The following PCDHA4 variants were observed in gnomAD, a reference collection of about 807,000 sequenced individuals.
PCDHA4 encodes protocadherin alpha-4.
In PCDHA4, 49 loss-of-function variants were observed where a neutral mutation model predicts 61.4. The ratio of observed to expected loss-of-function variants is 0.80; its 90% CI spans 0.63 to 1.01. PCDHA4 has a LOEUF of 1.01. PCDHA4 is among the 50% of genes least tolerant of loss of function. PCDHA4 has a pLI of 0.00. For missense variants in PCDHA4, 1,254 were observed against 1,235.8 expected (o/e 1.01, Z -0.22); for synonymous variants, 590 against 550.3 (o/e 1.07, Z -1.01).
At chr5:140,827,999 G>C in intron 1 of PCDHA4, 1 of 1,484,116 alleles carries the variant, frequency 6.7e-7, no homozygotes, top group Non-Finnish European at 9.0e-7. Context: ...GATGGCGGAC[G>C]CAGAAGAAAT....
At position 141,011,014 on chromosome 5, in the gene PCDHA4, C is replaced by T. The variant is rs2098419102; in HGVS notation, c.*1077C>T. On this transcript the variant is annotated 3_prime_UTR_variant, in exon 4 of 4. Coordinates refer to ENST00000530339, the MANE Select transcript of PCDHA4 (RefSeq NM_018907.4). ...CATCTGTATTATATCGGCCACCTGC[C>T]AATCACAGCTTTACTCTTTCAGGTC... 6.5e-6 allele frequency: 1 copy of T among 153,758 alleles called. No individual in the cohort carries two copies. Among genetic ancestry groups the T allele is most frequent in the Admixed American group, 6.5e-5 (1 of 15,286 alleles). 9.5% of individuals were successfully genotyped at this position (153,758 alleles called of 1,614,324 possible).
chr5:140,941,185 C>CTTTTT (rs782102770), intron 1 of PCDHA4, among the ~76,000 whole-genome samples: 1 of 102,242 alleles, frequency 9.8e-6, no homozygotes, highest in African/African-American at 3.6e-5. Context: ...CATCCTGCTT[C>CTTTTT]TTTTTTTTTC....
At chr5:140,881,650 T>C (rs508730) in intron 1 of PCDHA4, among the ~76,000 whole-genome samples, 2,267 of 152,332 alleles carry the variant, frequency 0.015, 53 homozygotes, top group African/African-American at 0.052. Flanking sequence ...ATTTTTCACC[T>C]TCACCGATTT....
intron 1 of PCDHA4, chr5:140,877,885 T>C: frequency 1.4e-6 from 2 of 1,463,874 alleles, no homozygotes; most frequent in Non-Finnish European, 1.8e-6. Flanking sequence ...CTTGAAGAAC[T>C]TCCGTTTAGG....
At chr5:140,850,217 C>A (rs2150473800) in intron 1 of PCDHA4, 2 of 1,593,480 alleles carry the variant, frequency 1.3e-6, no homozygotes, top group African/African-American at 1.3e-5. Context: ...GGGGCACTGA[C>A]GGCGCAGTGA....
At chr5:140,874,144 T>A (rs1554167057) in intron 1 of PCDHA4, among the ~76,000 whole-genome samples, 1 of 152,244 alleles carries the variant, frequency 6.6e-6, no homozygotes, top group Non-Finnish European at 1.5e-5. Context: ...CTTATACTTG[T>A]AGAGCCATTC....
rs140634296 is a variant in PCDHA4 at position 140,850,279 on chromosome 5, G to T, written c.2385+40707G>T. Reference sequence around the variant, plus strand: ...GCCGGCGTAGTGGTGGGGAAGGTGCGCGCAGTGGACGCCGACTCGGGCTAC... The same window carrying T: ...GCCGGCGTAGTGGTGGGGAAGGTGCTCGCAGTGGACGCCGACTCGGGCTAC... On this transcript the variant is annotated intron_variant, in intron 1 of 3. Transcript: ENST00000530339. The T allele has an allele frequency of 5.0e-6, 8 of 1,595,454 alleles. 2 individuals are homozygous for T. The highest frequency in any genetic ancestry group is 1.1e-5 in the South Asian group (1 of 90,466).
chr5:140,835,788 C>A (rs2150244691), intron 1 of PCDHA4: 4 of 1,613,044 alleles, frequency 2.5e-6, no homozygotes, highest in South Asian at 2.2e-5. Flanking sequence ...GGAGAACAAC[C>A]CGCCGGGCTG....
chr5:140,808,618 G>C lies in PCDHA4; in HGVS notation c.1431G>C (p.Val477=). The change falls in exon 1 of 4, where the codon GTG becomes GTC. Residue 477 remains valine, a synonymous_variant. Transcript: ENST00000530339. The part of the protein sequence containing the change: ...NNPPGCHIFT[V]SAWDADAQEN... ...CGCCGGGCTGCCACATCTTCACTGT[G>C]TCTGCGTGGGACGCGGACGCGCAGG... 2 of 1,613,776 alleles carry C rather than the reference G, an allele frequency of 1.2e-6. No homozygotes were observed. The highest frequency in any genetic ancestry group is 1.7e-6 in the Non-Finnish European group (2 of 1,179,924).
At chr5:140,817,865 A>G (rs1766220471) in intron 1 of PCDHA4, among the ~76,000 whole-genome samples, 1 of 152,208 alleles carries the variant, frequency 6.6e-6, no homozygotes, top group African/African-American at 2.4e-5. Context: ...AGTTTTGGGT[A>G]TTGAATGAAA....
At chr5:140,858,235 A>T (rs2045286318) in intron 1 of PCDHA4, 1 of 1,596,218 alleles carries the variant, frequency 6.3e-7, no homozygotes, top group African/African-American at 1.3e-5. Flanking sequence ...CCGAGGGCGC[A>T]TGTGGGCCGG....
chr5:140,989,758 T>C (rs1554251084), intron 3 of PCDHA4, among the ~76,000 whole-genome samples: 1 of 152,188 alleles, frequency 6.6e-6, no homozygotes, highest in African/African-American at 2.4e-5. Flanking sequence ...GAGAAACATA[T>C]TCAGTTCAAG....
chr5:140,835,567 T>C (rs2150238400), intron 1 of PCDHA4: 1 of 1,613,882 alleles, frequency 6.2e-7, no homozygotes, highest in South Asian at 1.1e-5. Flanking sequence ...CGCGTTCCCT[T>C]CAAGTTGGTG....
intron 1 of PCDHA4, chr5:140,927,190 G>A (rs1554204161): frequency 6.2e-7 from 1 of 1,614,156 alleles, no homozygotes; most frequent in South Asian, 1.1e-5. Context: ...CTACGACCTG[G>A]TGCTCGAGGA....
chr5:140,879,659 C>T (rs782370828), intron 1 of PCDHA4, among the ~76,000 whole-genome samples: 4 of 152,142 alleles, frequency 2.6e-5, no homozygotes, highest in East Asian at 3.8e-4. Flanking sequence ...CTATAACAAA[C>T]GAACACAAAC....
At chr5:140,947,622 G>C (rs1435558526) in intron 1 of PCDHA4, among the ~76,000 whole-genome samples, 1 of 151,534 alleles carries the variant, frequency 6.6e-6, no homozygotes, top group East Asian at 1.9e-4. Context: ...TAACAATATT[G>C]AGTCATCAGA....
At chr5:140,871,310 C>A (rs2052956862) in intron 1 of PCDHA4, 1 of 1,613,930 alleles carries the variant, frequency 6.2e-7, no homozygotes, top group South Asian at 1.1e-5. Flanking sequence ...CCGGGGAAGC[C>A]CACGCTGGTG....
chr5:140,849,581 C>A, intron 1 of PCDHA4: 7 of 1,598,698 alleles, frequency 4.4e-6, no homozygotes, highest in African/African-American at 2.7e-5. Flanking sequence ...TAAAAGAGGA[C>A]GCACAACTGG....
chr5:140,994,429 G>A (rs1474074265), intron 3 of PCDHA4, among the ~76,000 whole-genome samples: 1 of 152,110 alleles, frequency 6.6e-6, no homozygotes, highest in Non-Finnish European at 1.5e-5. Flanking sequence ...GAGGCCGGGC[G>A]CAGTGGCTCA....
Sources: gnomAD v4.1 joint callset for allele counts (sites outside exome capture counted in the v4.1 genomes callset) on GRCh38, gnomAD v4.1.1 for gene constraint, MANE v1.5 for transcripts, NCBI Gene and HGNC (gene_info 2026-07-23, HGNC 2026-07-21) for gene names.